STK33: variants seen among roughly 807,000 people sequenced by gnomAD.
The protein encoded by STK33 is serine/threonine kinase 33, also known as serine/threonine-protein kinase 33.
STK33 carries 52 observed loss-of-function variants against 58.0 expected under a neutral mutation model. That is an observed-to-expected ratio of 0.90 (90% CI 0.72 to 1.13). The LOEUF is 1.13. Among genes scored for constraint, STK33 ranks in the 50% most tolerant of loss-of-function variants. The probability of loss-of-function intolerance (pLI) is 0.00; values close to 1 mark genes in which losing one functional copy is unlikely to be tolerated. For synonymous variants in STK33, 215 were observed against 200.1 expected (o/e 1.07, Z -0.63); for missense variants, 630 against 604.2 (o/e 1.04, Z -0.45).
intron 1 of STK33, among the ~76,000 whole-genome samples, chr11:8,491,661 A>G (rs1387510240): frequency 6.6e-6 from 1 of 152,210 alleles, no homozygotes; most frequent in Non-Finnish European, 1.5e-5. Flanking sequence ...CCAAGATTGA[A>G]TTGAAGGAAA....
intron 1 of STK33, among the ~76,000 whole-genome samples, chr11:8,556,620 T>C (rs1025037535): frequency 2.9e-4 from 44 of 152,176 alleles, no homozygotes; most frequent in African/African-American, 1.0e-3. Flanking sequence ...AAATCACTTA[T>C]CCAAATTGGG....
the STK33 span, among the ~76,000 whole-genome samples, chr11:8,344,775 T>C: frequency 1.1e-4 from 16 of 152,234 alleles, no homozygotes; most frequent in Non-Finnish European, 2.4e-4. Context: ...TGGGCTCAAA[T>C]CCCACGGTTG....
chr11:8,500,098 T>A (rs1477727219), intron 1 of STK33, among the ~76,000 whole-genome samples: 1 of 150,016 alleles, frequency 6.7e-6, no homozygotes, highest in East Asian at 1.9e-4. Flanking sequence ...ACATCATACT[T>A]AACGGTGAAA....
intron 1 of STK33, among the ~76,000 whole-genome samples, chr11:8,495,780 G>A (rs1209997420): frequency 6.6e-6 from 1 of 152,146 alleles, no homozygotes; most frequent in Non-Finnish European, 1.5e-5. Flanking sequence ...AAAAAAGGAT[G>A]AGTTGATGTC....
At chr11:8,560,277 C>T (rs1205074807) in intron 1 of STK33, among the ~76,000 whole-genome samples, 1 of 152,052 alleles carries the variant, frequency 6.6e-6, no homozygotes, top group Non-Finnish European at 1.5e-5. Context: ...TATTTTTGAA[C>T]TTTTTCATCT....
chr11:8,503,984 A>C (rs7947670), intron 1 of STK33, among the ~76,000 whole-genome samples: 83,740 of 152,058 alleles, frequency 0.55, 23,454 homozygotes, highest in African/African-American at 0.66. Context: ...TAGCTTTAAA[A>C]GGAATTACAT....
At chr11:8,574,717 G>A (rs1329179101) in intron 1 of STK33, among the ~76,000 whole-genome samples, 1 of 152,032 alleles carries the variant, frequency 6.6e-6, no homozygotes, top group Non-Finnish European at 1.5e-5. Context: ...TTAAGAAAAT[G>A]TTAGCAAACT....
rs11530481 is a variant in STK33, at chr11:8,399,926, T to C, written c.1345-7216A>G. Among the ~76,000 whole-genome samples, 64 of 152,234 alleles carry C rather than the reference T, an allele frequency of 4.2e-4. No individual in the cohort carries two copies. The East Asian group carries it at 0.01, about 25-fold the overall frequency. ...CTCCCAAGACTAAACCAGGAAGAAG[T>C]TGAATCTCTCAATAGACCAATAACA... On this transcript the variant is annotated intron_variant, in intron 15 of 15. Coordinates refer to ENST00000687296, the MANE Select transcript of STK33 (RefSeq NM_001352389.2).
chr11:8,400,732 GC>G (rs1937719378), intron 15 of STK33, among the ~76,000 whole-genome samples: 1 of 152,182 alleles, frequency 6.6e-6, no homozygotes, highest in East Asian at 1.9e-4. Flanking sequence ...CATTATCTCA[GC>G]CCAAAATCTC....
chr11:8,491,738 G>A lies in STK33; in HGVS notation c.-465-11124C>T, dbSNP rs551802343. On this transcript the variant is annotated intron_variant, in intron 1 of 15. Coordinates refer to ENST00000687296, the MANE Select transcript of STK33 (RefSeq NM_001352389.2). ...CAAAGGGAAGCCCATCAGACTAACA[G>A]CAGATCTCTCAGCAGAAACTCTACA... Among the ~76,000 whole-genome samples, 18 of 152,324 alleles carry A rather than the reference G, an allele frequency of 1.2e-4. No individual in the cohort carries two copies. In the East Asian group the frequency reaches 3.5e-3, roughly 29 times the overall value.
chr11:8,393,870 T>G (rs1848916019), intron 15 of STK33, among the ~76,000 whole-genome samples: 1 of 152,328 alleles, frequency 6.6e-6, no homozygotes, highest in Non-Finnish European at 1.5e-5. Context: ...CTGGGTCCTG[T>G]AAGACTTTTG....
At chr11:8,393,214 A>G (rs1848819339) in intron 15 of STK33, among the ~76,000 whole-genome samples, 1 of 152,248 alleles carries the variant, frequency 6.6e-6, no homozygotes, top group Admixed American at 6.5e-5. Flanking sequence ...GCAGGCCTGT[A>G]GACCTCTTTG....
intron 1 of STK33, among the ~76,000 whole-genome samples, chr11:8,587,949 A>G (rs2031975067): frequency 6.6e-6 from 1 of 152,200 alleles, no homozygotes. Flanking sequence ...CTTAAACAAC[A>G]AACATTTATT....
chr11:8,361,190 G>T, the STK33 span, among the ~76,000 whole-genome samples: 1 of 152,146 alleles, frequency 6.6e-6, no homozygotes, highest in Non-Finnish European at 1.5e-5. The surrounding 1 kb of genome is among the most constrained non-coding windows in gnomAD (Gnocchi z 4.8). Flanking sequence ...AGCTATCCCT[G>T]CACCTGGGCA....
chr11:8,368,696 C>A, the STK33 span, among the ~76,000 whole-genome samples: 4 of 152,208 alleles, frequency 2.6e-5, no homozygotes, highest in Non-Finnish European at 4.4e-5. Context: ...GGGAGCTTGG[C>A]CCCTGCCCTC....
intron 1 of STK33, among the ~76,000 whole-genome samples, chr11:8,504,504 A>C (rs1951734529): frequency 6.6e-6 from 1 of 152,166 alleles, no homozygotes; most frequent in Non-Finnish European, 1.5e-5. Context: ...AAATTAAATT[A>C]TAGGCCAGGT....
At chr11:8,583,183 T>C (rs12419565) in intron 1 of STK33, among the ~76,000 whole-genome samples, 5,087 of 152,310 alleles carry the variant, frequency 0.033, 113 homozygotes, top group East Asian at 0.079. Context: ...CTTTCAGATA[T>C]GAAGAAAATG....
At chr11:8,506,162 T>C (rs1398294650) in intron 1 of STK33, among the ~76,000 whole-genome samples, 1 of 152,178 alleles carries the variant, frequency 6.6e-6, no homozygotes, top group East Asian at 1.9e-4. Flanking sequence ...GTCCTAAAAT[T>C]CTTCCAACTC....
At chr11:8,426,375 T>C (rs1942758477) in intron 14 of STK33, among the ~76,000 whole-genome samples, 1 of 152,182 alleles carries the variant, frequency 6.6e-6, no homozygotes, top group African/African-American at 2.4e-5. Flanking sequence ...TGCTAGGGTC[T>C]CGGGTTTTTT....
Sources: allele counts gnomAD v4.1 joint callset (sites outside exome capture counted in the v4.1 genomes callset), GRCh38; gene constraint gnomAD v4.1.1; non-coding constraint Gnocchi (gnomAD v3.1); transcripts MANE v1.5; gene names NCBI Gene and HGNC (gene_info 2026-07-23, HGNC 2026-07-21).